Variants in ANKRD17 observed in about 807,000 individuals in gnomAD.
ANKRD17 encodes the protein ankyrin repeat domain 17, also known as ankyrin repeat domain-containing protein 17.
A neutral mutation model predicts 229.7 loss-of-function variants in ANKRD17; 19 were observed. The ratio of observed to expected loss-of-function variants is 0.08; its 90% CI spans 0.06 to 0.12. The LOEUF is 0.12. Ranked by LOEUF, ANKRD17 falls within the 10% of genes least tolerant of loss-of-function variation. The probability of loss-of-function intolerance (pLI) is 1.00; values close to 1 mark genes in which losing one functional copy is unlikely to be tolerated. For synonymous variants in ANKRD17, 1,112 were observed against 1,146.1 expected, an observed-to-expected ratio of 0.97 and a Z score of 0.60; for missense variants, 2,176 against 3,176.8, an observed-to-expected ratio of 0.68 and a Z score of 7.57.
intron 2 of ANKRD17, among the ~76,000 whole-genome samples, chr4:73,165,654 C>G (rs1222788888): frequency 6.6e-6 from 1 of 152,108 alleles, no homozygotes; most frequent in Non-Finnish European, 1.5e-5. Context: ...GCATTGTTGA[C>G]CTAAAGACAG....
intron 1 of ANKRD17, among the ~76,000 whole-genome samples, chr4:73,191,339 ATATGTGTGTGTGTGTG>A (rs1737051364): frequency 1.6e-5 from 1 of 60,848 alleles, no homozygotes; most frequent in African/African-American, 5.1e-5. Context: ...CAAAAAATAT[ATATGTGTGTGTGTGTG>A]TGTGTGTGTG....
intron 2 of ANKRD17, among the ~76,000 whole-genome samples, chr4:73,175,786 A>T (rs970891243): frequency 1.3e-5 from 2 of 152,162 alleles, no homozygotes; most frequent in Non-Finnish European, 2.9e-5. Context: ...CCGATCTCTC[A>T]CCATATACAA....
chr4:73,098,294 A>G lies in ANKRD17; in HGVS notation c.4800T>C (p.Asn1600=). 5 of 1,614,210 alleles carry G rather than the reference A, an allele frequency of 3.1e-6. No homozygotes were observed. Among genetic ancestry groups the G allele is most frequent in the Non-Finnish European group, 4.2e-6 (5 of 1,180,050 alleles). ...TGGTACTGCTGCTCTTGGACTCTCC[A>G]TTCACCTTCTCTGGCTGACTGTATG... The part of the protein sequence containing the change: ...PISYSQPEKV[N]GESKSSSTSE... Residue 1600 remains asparagine (N), a synonymous_variant, in exon 26 of 34, where the codon AAT becomes AAC. Coordinates refer to ENST00000358602, the MANE Select transcript of ANKRD17 (RefSeq NM_032217.5).
rs192465051 is a variant in ANKRD17 at position 73,107,409 on chromosome 4, T to A, written c.4402-4862A>T. ...GTTCTAGTTTCATCAGTAAACCGGA[T>A]AAAACATCCCTGTCTTCAAGTTTAC... On this transcript the variant is annotated intron_variant, in intron 24 of 33. Coordinates refer to ENST00000358602, the MANE Select transcript of ANKRD17 (RefSeq NM_032217.5). Among the ~76,000 whole-genome samples the A allele has an allele frequency of 5.3e-5, 8 of 152,346 alleles. No homozygotes were observed. In the East Asian group the frequency reaches 1.5e-3, roughly 29 times the overall value.
chr4:73,180,780 A>T (rs1299851162), intron 1 of ANKRD17, among the ~76,000 whole-genome samples: 2 of 152,218 alleles, frequency 1.3e-5, no homozygotes, highest in Non-Finnish European at 2.9e-5. Flanking sequence ...TGAAGGCCTA[A>T]GTACCAGAAT....
At chr4:73,105,967 G>T (rs1036493282) in intron 24 of ANKRD17, among the ~76,000 whole-genome samples, 1 of 152,166 alleles carries the variant, frequency 6.6e-6, no homozygotes, top group African/African-American at 2.4e-5. Context: ...ACTAAACCAT[G>T]AAGATTCAAA....
At chr4:73,217,183 G>A (rs907899144) in intron 1 of ANKRD17, among the ~76,000 whole-genome samples, 1 of 152,132 alleles carries the variant, frequency 6.6e-6, no homozygotes, top group African/African-American at 2.4e-5. Flanking sequence ...GGAAACTAGT[G>A]GTTCATTGGA....
In ANKRD17 at chr4:73,171,030, T is replaced by C. The variant is rs1213329896; in HGVS notation, c.547+6350A>G. 2.6e-5 allele frequency among the ~76,000 whole-genome samples: 4 copies of C among 152,004 alleles called. 1 individual carries two copies. The highest frequency in any genetic ancestry group is 7.3e-5 in the African/African-American group (3 of 41,378). On this transcript the variant is annotated intron_variant, in intron 2 of 33. Coordinates refer to ENST00000358602, the MANE Select transcript of ANKRD17 (RefSeq NM_032217.5). ...AGAGCCCTAGGGCCTTCAGCAAACA[T>C]AGGTGGTAGCCAGGTAGCAGTCACA...
At chr4:73,089,788 T>C (rs1286834658) in intron 29 of ANKRD17, among the ~76,000 whole-genome samples, 1 of 152,180 alleles carries the variant, frequency 6.6e-6, no homozygotes, top group Non-Finnish European at 1.5e-5. Flanking sequence ...CCAGTAGAAT[T>C]TTGGATAATA....
chr4:73,117,923 G>A, intron 22 of ANKRD17, among the ~76,000 whole-genome samples: 1 of 152,148 alleles, frequency 6.6e-6, no homozygotes, highest in East Asian at 1.9e-4. Flanking sequence ...ACCTTTAAAT[G>A]TAATATACTT....
At position 73,176,074 on chromosome 4, in the gene ANKRD17, A is replaced by G. The variant is rs148531232; in HGVS notation, c.547+1306T>C. Among the ~76,000 whole-genome samples the G allele has an allele frequency of 4.0e-3, 602 of 152,310 alleles. 4 individuals carry two copies. The highest frequency in any genetic ancestry group is 6.2e-3 in the Non-Finnish European group (419 of 68,022). Reference sequence around the variant, plus strand: ...ACTACCCAGCTGACAATGAATTGATAACCAGAATATATAAGGAGCTCAAAC... The same window carrying G: ...ACTACCCAGCTGACAATGAATTGATGACCAGAATATATAAGGAGCTCAAAC... On this transcript the variant is annotated intron_variant, in intron 2 of 33. Coordinates refer to ENST00000358602, the MANE Select transcript of ANKRD17 (RefSeq NM_032217.5).
intron 14 of ANKRD17, among the ~76,000 whole-genome samples, chr4:73,140,920 T>C (rs1412169924): frequency 2.6e-5 from 4 of 152,222 alleles, no homozygotes; most frequent in Non-Finnish European, 5.9e-5. Context: ...GAAGAAAAGA[T>C]GCTGGACTAT....
intron 1 of ANKRD17, among the ~76,000 whole-genome samples, chr4:73,238,418 G>A (rs1254809108): frequency 1.3e-5 from 2 of 152,146 alleles, no homozygotes; most frequent in African/African-American, 4.8e-5. Flanking sequence ...TTGATTTGAT[G>A]TTTCAGAAAT....
intron 16 of ANKRD17, among the ~76,000 whole-genome samples, chr4:73,133,211 G>A (rs1728454799): frequency 6.6e-6 from 1 of 151,650 alleles, no homozygotes; most frequent in African/African-American, 2.4e-5. Flanking sequence ...GATTGCCACT[G>A]CACTCCAGCC....
In ANKRD17 at chr4:73,258,745, G is replaced by A; in HGVS notation, c.-77C>T. Reference sequence around the variant, plus strand: ...CTACCGCGACTTCGGCCGCACTGGGGCCGACACAGCAATCGGTGCCGCCTC... The same window carrying A: ...CTACCGCGACTTCGGCCGCACTGGGACCGACACAGCAATCGGTGCCGCCTC... On this transcript the variant is annotated 5_prime_UTR_variant, in exon 1 of 34. Transcript: ENST00000358602. 7.3e-7 allele frequency: 1 copy of A among 1,372,074 alleles called. No individual in the cohort carries two copies. The highest frequency in any genetic ancestry group is 9.3e-7 in the Non-Finnish European group (1 of 1,072,204). The allele number at this position is 1,372,074 out of a possible 1,614,324, so 85.0% of individuals were successfully genotyped here. A position where few individuals can be genotyped will look rare whatever the true frequency, so the allele number is the denominator to read the frequency against.
At chr4:73,157,262 G>C (rs183622562) in intron 3 of ANKRD17, among the ~76,000 whole-genome samples, 1 of 152,264 alleles carries the variant, frequency 6.6e-6, no homozygotes, top group Non-Finnish European at 1.5e-5. Context: ...AAAGATGGGA[G>C]AATGTAATAT....
At chr4:73,124,473 G>C (rs769173475) in intron 18 of ANKRD17, among the ~76,000 whole-genome samples, 1 of 151,898 alleles carries the variant, frequency 6.6e-6, no homozygotes, top group Non-Finnish European at 1.5e-5. Flanking sequence ...AGAAAGGGTG[G>C]GGAAAAATCA....
rs185504403 is a variant in ANKRD17 at position 73,161,055 on chromosome 4, A to C, written c.704+137T>G. On this transcript the variant is annotated intron_variant, in intron 3 of 33. Coordinates refer to ENST00000358602, the MANE Select transcript of ANKRD17 (RefSeq NM_032217.5). ...TCTATACCTTATAAAGTTTTTGTGA[A>C]TCTAAATAAGACATCACATGTTAAG... 2.5e-3 allele frequency: 2,757 copies of C among 1,114,250 alleles called. 6 individuals are homozygous for C. The highest frequency in any genetic ancestry group is 3.1e-3 in the Non-Finnish European group (2,486 of 807,986). The allele number at this position is 1,114,250 out of a possible 1,614,324, so 69.0% of individuals were successfully genotyped here.
At chr4:73,256,884 TCAG>T in intron 1 of ANKRD17, among the ~76,000 whole-genome samples, 1 of 152,244 alleles carries the variant, frequency 6.6e-6, no homozygotes, top group East Asian at 1.9e-4. Flanking sequence ...CATACATACT[TCAG>T]CACTTAATAT....
Sources: allele counts gnomAD v4.1 joint callset (sites outside exome capture counted in the v4.1 genomes callset), GRCh38; gene constraint gnomAD v4.1.1; transcripts MANE v1.5; gene names NCBI Gene and HGNC (gene_info 2026-07-23, HGNC 2026-07-21).